KRT33A: variants seen among roughly 807,000 people sequenced by gnomAD.
KRT33A encodes keratin, type I cuticular Ha3-I.
In KRT33A, 44 loss-of-function variants were observed where a neutral mutation model predicts 41.1. That is an observed-to-expected ratio of 1.07 (90% CI 0.84 to 1.38). The LOEUF (loss-of-function observed/expected upper bound fraction) is 1.38. Among genes scored for constraint, KRT33A ranks in the 40% most tolerant of loss-of-function variants. KRT33A has a pLI of 0.00. For synonymous variants in KRT33A, 229 were observed against 227.8 expected (o/e 1.01, Z -0.05); for missense variants, 536 against 518.5 (o/e 1.03, Z -0.33).
Position 41,347,199 on chromosome 17 carries a change from C to G in KRT33A, c.612G>C (p.Gln204His), listed in dbSNP as rs758029803. 1.2e-6 allele frequency: 2 copies of G among 1,612,482 alleles called. No homozygotes were observed. Among genetic ancestry groups the G allele is most frequent in the Admixed American group, 3.4e-5 (2 of 59,598 alleles). The change falls in exon 4 of 7, where the codon CAG becomes CAC. Residue 204 changes from glutamine (Q) to histidine (H), a missense_variant. Coordinates refer to ENST00000007735, the MANE Select transcript of KRT33A (RefSeq NM_004138.4). ...HEQEVNTLRC[Q>H]LGDRLNVEVD... ...CCTCCACGTTGAGGCGGTCTCCAAG[C>G]TGGCAGCGCAGGGTGTTAACCTCCT...
chr17:41,346,691 T>A, intron 5 of KRT33A, 23 bp from the exon 6 acceptor site: 2 of 1,613,834 alleles, frequency 1.2e-6, no homozygotes, highest in South Asian at 1.1e-5. Context: ...AGATTGAGAG[T>A]GTCAGAGAGC....
At position 41,348,583 on chromosome 17, in the gene KRT33A, C is replaced by A. The variant is rs747309936; in HGVS notation, c.488G>T (p.Arg163Leu). The A allele has an allele frequency of 8.4e-5, 136 of 1,613,940 alleles. No individual in the cohort carries two copies. The East Asian group carries it at 2.6e-3, about 31-fold the overall frequency. The change falls in exon 3 of 7, where the codon CGC becomes CTC. Residue 163 changes from arginine to leucine, a missense_variant. Transcript: ENST00000007735. ...CAGGGTCAGCTCATCCAGGATCCTG[C>A]GCAGGCCATTGATGTCCGACTCCAC... Reference protein sequence around the residue: ...QLVESDINGLRRILDELTLCR... With the variant: ...QLVESDINGLLRILDELTLCR...
Position 41,348,746 on chromosome 17 carries a change from T to C in KRT33A, c.432-107A>G, listed in dbSNP as rs909417696. On this transcript the variant is annotated intron_variant, in intron 2 of 6. Coordinates refer to ENST00000007735, the MANE Select transcript of KRT33A (RefSeq NM_004138.4). The stretch of plus-strand genomic sequence containing the variant: ...ACTAGGAATTAGGGTTTGTAGTTTT[T>C]ATAGCCATCTCTTTTGTTTAGGTTT... 3 of 1,168,370 alleles carry C rather than the reference T, an allele frequency of 2.6e-6. No homozygotes were observed. The African/African-American group carries it at 4.6e-5, about 18-fold the overall frequency. 72.4% of individuals were successfully genotyped at this position (1,168,370 alleles called of 1,614,324 possible).
chr17:41,350,471 C>T lies in KRT33A; in HGVS notation c.297G>A (p.Val99=), dbSNP rs768384171. 23 of 1,614,018 alleles carry T rather than the reference C, an allele frequency of 1.4e-5. No homozygotes were observed. Among genetic ancestry groups the T allele is most frequent in the Non-Finnish European group, 1.9e-5 (23 of 1,180,050 alleles). ...RERSQQQEPL[V]CASYQSYFKT... ...TGAAGTAGGACTGGTAGCTGGCACA[C>T]ACCAAGGGCTCCTGCTGCTGTGACC... is the stretch of plus-strand genomic sequence containing the variant. Residue 99 remains valine (V), a synonymous_variant, in exon 1 of 7, where the codon GTG becomes GTA. Coordinates refer to ENST00000007735, the MANE Select transcript of KRT33A (RefSeq NM_004138.4).
intron 1 of KRT33A, 92 bp from the exon 2 acceptor site, chr17:41,349,520 G>T: frequency 7.8e-7 from 1 of 1,277,902 alleles, no homozygotes; most frequent in South Asian, 1.3e-5. Context: ...GGAAGGATCA[G>T]GATGTCTATC....
chr17:41,346,444 T>G lies in KRT33A; in HGVS notation c.1097+4A>C, dbSNP rs188151172. ...AAGGAGAAGATTACTACCCCCATACTGACTTGCAGTCCTCGCTCTCCAGCA... is the reference window on the plus strand; with the variant it reads ...AAGGAGAAGATTACTACCCCCATACGGACTTGCAGTCCTCGCTCTCCAGCA... On this transcript the variant is annotated splice_donor_region_variant and intron_variant, in intron 6 of 6. Transcript: ENST00000007735. 2,035 of 1,614,014 alleles carry G rather than the reference T, an allele frequency of 1.3e-3. 4 individuals carry two copies. Among genetic ancestry groups the G allele is most frequent in the Non-Finnish European group, 1.5e-3 (1,746 of 1,179,914 alleles).
chr17:41,347,826 C>T (rs2017447318), intron 3 of KRT33A, among the ~76,000 whole-genome samples: 1 of 152,250 alleles, frequency 6.6e-6, no homozygotes, highest in Non-Finnish European at 1.5e-5. Flanking sequence ...TACATTGCTT[C>T]TAGAAGCTTC....
rs762987685 is a variant in KRT33A at position 41,346,237 on chromosome 17, C to G, written c.1098-1G>C. 3.7e-6 allele frequency: 6 copies of G among 1,613,436 alleles called. No homozygotes were observed. The highest frequency in any genetic ancestry group is 5.1e-6 in the Non-Finnish European group (6 of 1,179,544). On this transcript the variant is annotated splice_acceptor_variant, in intron 6 of 6. Coordinates refer to ENST00000007735, the MANE Select transcript of KRT33A (RefSeq NM_004138.4). LOFTEE classifies it high-confidence loss of function. Reference sequence around the variant, plus strand: ...TGTGGCGCAGGGGTTGGAGGGGAGCCTGTGGGCAGAAAATCATTGGAGCAA... The same window carrying G: ...TGTGGCGCAGGGGTTGGAGGGGAGCGTGTGGGCAGAAAATCATTGGAGCAA...
Position 41,346,880 on chromosome 17 carries a change from A to T in KRT33A, c.840T>A (p.Asn280Lys). Reference protein sequence around the residue: ...AEIIELRRTVNALEIELQAQH... With the variant: ...AEIIELRRTVKALEIELQAQH... ...GGGCCTGCAGCTCGATCTCCAGGGC[A>T]TTGACCGTGCGTCTCAGCTCGATGA... Residue 280 changes from asparagine to lysine, a missense_variant, in exon 5 of 7, where the codon AAT (asparagine) becomes AAA (lysine). By Grantham distance (94) the Asn-to-Lys change is moderately conservative (BLOSUM62 0). Transcript: ENST00000007735. 13 of 1,612,934 alleles carry T rather than the reference A, an allele frequency of 8.1e-6. No individual in the cohort carries two copies. Among genetic ancestry groups the T allele is most frequent in the Non-Finnish European group, 1.0e-5 (12 of 1,180,004 alleles).
chr17:41,346,705 T>C (rs1452943065), intron 5 of KRT33A, 37 bp from the exon 6 acceptor site: 1 of 1,613,162 alleles, frequency 6.2e-7, no homozygotes. Flanking sequence ...AGAGAGCTGC[T>C]CCTTATAAGG....
At chr17:41,350,386 T>TCC in intron 1 of KRT33A, 34 bp downstream of exon 1, 1 of 1,600,108 alleles carries the variant, frequency 6.2e-7, no homozygotes, top group South Asian at 1.1e-5. Flanking sequence ...CCCGACAACT[T>TCC]CCTACTGGAG....
chr17:41,348,493 T>A lies in KRT33A; in HGVS notation c.578A>T (p.Asn193Ile). 7 of 1,614,068 alleles carry A rather than the reference T, an allele frequency of 4.3e-6. No homozygotes were observed. Among genetic ancestry groups the A allele is most frequent in the Non-Finnish European group, 5.1e-6 (6 of 1,180,020 alleles). ...CTTCAGGGAACTCACCTGCTCATGG[T>A]TCTGCTTGAGGCACAGCAGCTCCTC... ...LKEELLCLKQ[N>I]HEQEVNTLRC... is the part of the protein sequence containing the mutation. The change falls in exon 3 of 7, where the codon AAC becomes ATC. Residue 193 changes from asparagine (N) to isoleucine (I), a missense_variant. Transcript: ENST00000007735.
rs373290306 is a variant in KRT33A, at chr17:41,347,010, G to A, written c.751-41C>T. 1.4e-4 allele frequency: 221 copies of A among 1,611,016 alleles called. 1 individual carries two copies. The African/African-American group carries it at 1.9e-3, about 14-fold the overall frequency. ...GGAGAAAGGATCAGACCCTGCCTCC[G>A]GGGCCCTGGGGGGCCTCGGGTCCTG... On this transcript the variant is annotated intron_variant, in intron 4 of 6. Coordinates refer to ENST00000007735, the MANE Select transcript of KRT33A (RefSeq NM_004138.4).
Position 41,350,827 on chromosome 17 carries a change from G to A in KRT33A, c.-60C>T, listed in dbSNP as rs563210197. ...TCCAAAATCTCCAGGTTGTAGAGCG[G>A]TGGGTCTCCTTCCTCCAGGGAGCAT... On this transcript the variant is annotated 5_prime_UTR_variant, in exon 1 of 7. Coordinates refer to ENST00000007735, the MANE Select transcript of KRT33A (RefSeq NM_004138.4). 334 of 1,538,712 alleles carry A rather than the reference G, an allele frequency of 2.2e-4. 5 individuals carry two copies. The South Asian group carries it at 3.9e-3, about 18-fold the overall frequency.
chr17:41,346,116 C>A lies in KRT33A; in HGVS notation c.*3G>T, dbSNP rs72485486. ...CTTTCTTCTCCTCCTGGTTGTGGGGCCTCTAGTACCCAAATGTGTTGCAAG... is the reference window on the plus strand; with the variant it reads ...CTTTCTTCTCCTCCTGGTTGTGGGGACTCTAGTACCCAAATGTGTTGCAAG... On this transcript the variant is annotated 3_prime_UTR_variant, in exon 7 of 7. Transcript: ENST00000007735. 35 of 1,596,156 alleles carry A rather than the reference C, an allele frequency of 2.2e-5. No homozygotes were observed. In the East Asian group the frequency reaches 7.6e-4, roughly 35 times the overall value.
intron 1 of KRT33A, 95 bp from the exon 2 acceptor site, chr17:41,349,523 T>C: frequency 1.6e-6 from 2 of 1,253,656 alleles, no homozygotes; most frequent in Non-Finnish European, 1.1e-6. Flanking sequence ...AGGATCAGGA[T>C]GTCTATCTTA....
chr17:41,347,283 A>T, intron 3 of KRT33A, 61 bp from the exon 4 acceptor site: 1 of 1,501,976 alleles, frequency 6.7e-7, no homozygotes, highest in Non-Finnish European at 8.9e-7. Context: ...TCCTTAAGAG[A>T]ATGCAATTCA....
chr17:41,350,658 A>T lies in KRT33A; in HGVS notation c.110T>A (p.Ile37Asn). 11 of 1,612,008 alleles carry T rather than the reference A, an allele frequency of 6.8e-6. 1 individual carries two copies. Among genetic ancestry groups the T allele is most frequent in the African/African-American group, 2.7e-5 (2 of 73,978 alleles). ...HGCTLPGACN[I>N]PANVSNCNWF... ...GTTGCAGTTGCTCACATTGGCGGGGATGTTGCAGGCCCCGGGCAGGGTGCA... is the reference window on the plus strand; with the variant it reads ...GTTGCAGTTGCTCACATTGGCGGGGTTGTTGCAGGCCCCGGGCAGGGTGCA... The change falls in exon 1 of 7, where the codon ATC becomes AAC. Residue 37 changes from isoleucine (I) to asparagine (N), a missense_variant. Physicochemically the swap from Ile to Asn is moderately radical, Grantham distance 149. Coordinates refer to ENST00000007735, the MANE Select transcript of KRT33A (RefSeq NM_004138.4).
intron 1 of KRT33A, 138 bp from the exon 2 acceptor site, chr17:41,349,566 T>C: frequency 1.4e-6 from 1 of 739,820 alleles, no homozygotes; most frequent in African/African-American, 1.8e-5. Context: ...AGGTACTCAA[T>C]GAATATTTCC....
Sources: allele counts gnomAD v4.1 joint callset (sites outside exome capture counted in the v4.1 genomes callset), GRCh38; gene constraint gnomAD v4.1.1; transcripts MANE v1.5; gene names NCBI Gene and HGNC (gene_info 2026-07-23, HGNC 2026-07-21).